The following EZR variants were observed in gnomAD, a reference collection of about 807,000 sequenced individuals.
EZR encodes ezrin.
In EZR, 40 loss-of-function variants were observed where a neutral mutation model predicts 74.8. That is an observed-to-expected ratio of 0.53 (90% CI 0.42 to 0.70). The LOEUF (loss-of-function observed/expected upper bound fraction) is 0.70, where lower values mean the gene tolerates loss of function less well. Among genes scored for constraint, EZR ranks in the 30% least tolerant of loss-of-function variants. The pLI, the probability that EZR is intolerant of heterozygous loss-of-function variation, is 0.00. For missense variants in EZR, 678 were observed against 755.8 expected (o/e 0.90, Z 1.21); for synonymous variants, 341 against 283.3 (o/e 1.20, Z -2.05).
intron 7 of EZR, among the ~76,000 whole-genome samples, chr6:158,779,882 G>A (rs543101761): frequency 3.5e-4 from 53 of 150,756 alleles, no homozygotes; most frequent in African/African-American, 1.1e-3. Flanking sequence ...AGCCTGAAAT[G>A]ACTTTAAAAT....
At chr6:158,801,714 T>G (rs1241564005) in intron 2 of EZR, among the ~76,000 whole-genome samples, 2 of 152,242 alleles carry the variant, frequency 1.3e-5, no homozygotes, top group Non-Finnish European at 2.9e-5. Flanking sequence ...GTCACAACCC[T>G]GATAACCACT....
chr6:158,767,484 T>C lies in EZR; in HGVS notation c.1373A>G (p.Lys458Arg), dbSNP rs1234809361. Residue 458 changes from lysine to arginine, a missense_variant, in exon 13 of 14, where the codon AAG (lysine) becomes AGG (arginine). Lys to Arg is a conservative substitution (Grantham distance 26). Transcript: ENST00000367075. Reference sequence around the variant, plus strand: ...CACCAGGTGCAGCTCCTCCTTGGTCTTCACCAGGTCATCCTGGGCTTCTTT... The same window carrying C: ...CACCAGGTGCAGCTCCTCCTTGGTCCTCACCAGGTCATCCTGGGCTTCTTT... ...RAKEAQDDLV[K>R]TKEELHLVMT... The C allele has an allele frequency of 6.2e-7, 1 of 1,601,560 alleles. No individual in the cohort carries two copies. The highest frequency in any genetic ancestry group is 1.1e-5 in the South Asian group (1 of 89,880).
intron 2 of EZR, among the ~76,000 whole-genome samples, chr6:158,798,212 G>A (rs1445276301): frequency 6.7e-6 from 1 of 150,364 alleles, no homozygotes; most frequent in Non-Finnish European, 1.5e-5. Flanking sequence ...TGTCACTTCT[G>A]TCTACCCATT....
chr6:158,817,651 T>G (rs1248263833), intron 2 of EZR, among the ~76,000 whole-genome samples: 2 of 152,178 alleles, frequency 1.3e-5, no homozygotes, highest in Non-Finnish European at 2.9e-5. Flanking sequence ...ATCTCCCCAG[T>G]TGGATCTGGG....
chr6:158,810,410 G>A (rs148985865), intron 2 of EZR, among the ~76,000 whole-genome samples: 1 of 152,178 alleles, frequency 6.6e-6, no homozygotes, highest in Non-Finnish European at 1.5e-5. Flanking sequence ...CTTCTCTTCT[G>A]TGAAGACCTC....
intron 7 of EZR, among the ~76,000 whole-genome samples, chr6:158,780,404 G>A (rs1791404812): frequency 6.6e-6 from 1 of 152,122 alleles, no homozygotes; most frequent in Non-Finnish European, 1.5e-5. Context: ...TTCATTTTGA[G>A]GAAGGATATG....
chr6:158,768,604 C>T (rs1790993727), intron 12 of EZR, among the ~76,000 whole-genome samples: 1 of 152,184 alleles, frequency 6.6e-6, no homozygotes, highest in Admixed American at 6.5e-5. Context: ...CAGTGGGAAC[C>T]ATCCCCAGAG....
At chr6:158,818,938 C>T (rs568404582) in intron 1 of EZR, among the ~76,000 whole-genome samples, 30 of 152,212 alleles carry the variant, frequency 2.0e-4, no homozygotes, top group African/African-American at 6.0e-4. Context: ...CCAGGAAGCC[C>T]GTGAGAAGCC....
At position 158,769,389 on chromosome 6, in the gene EZR, CTT is replaced by C; in HGVS notation, c.1279_1280del (p.Lys427AspfsTer14). On this transcript the variant is annotated frameshift_variant, in exon 12 of 14. Coordinates refer to ENST00000367075, the MANE Select transcript of EZR (RefSeq NM_001111077.2). LOFTEE classifies it high-confidence loss of function. ...LAAELAEYTAKIALLEEARRR... is the reference protein window; with the variant it reads ...LAAELAEYTAXIALLEEARRR... ...TCCGCGCCTCTTCCAGGAGGGCAATCTTGGCAGTGTATTCTGCAAGCTCCGCA... is the reference window on the plus strand; with the variant it reads ...TCCGCGCCTCTTCCAGGAGGGCAATCGGCAGTGTATTCTGCAAGCTCCGCA... The C allele has an allele frequency of 1.9e-6, 3 of 1,608,532 alleles. No individual in the cohort carries two copies. The highest frequency in any genetic ancestry group is 2.5e-6 in the Non-Finnish European group (3 of 1,180,010).
chr6:158,802,073 C>A (rs1481183631), intron 2 of EZR, among the ~76,000 whole-genome samples: 5 of 152,246 alleles, frequency 3.3e-5, no homozygotes, highest in Non-Finnish European at 5.9e-5. Context: ...ACGTAACCCA[C>A]CACAACGTAG....
At chr6:158,809,707 G>C (rs897730190) in intron 2 of EZR, among the ~76,000 whole-genome samples, 6 of 152,114 alleles carry the variant, frequency 3.9e-5, no homozygotes, top group Non-Finnish European at 7.3e-5. Flanking sequence ...ATATATACAA[G>C]GTTAGAATAA....
At chr6:158,802,288 T>C (rs1339967963) in intron 2 of EZR, among the ~76,000 whole-genome samples, 1 of 152,236 alleles carries the variant, frequency 6.6e-6, no homozygotes, top group African/African-American at 2.4e-5. Context: ...GTCCTTATTT[T>C]AGGAAATGGG....
intron 2 of EZR, among the ~76,000 whole-genome samples, chr6:158,794,877 C>T (rs1777035756): frequency 6.6e-6 from 1 of 152,138 alleles, no homozygotes; most frequent in African/African-American, 2.4e-5. Flanking sequence ...ACAAAAAGAA[C>T]CATGTGGTTG....
In EZR at chr6:158,771,351, G is replaced by A. The variant is rs551988276; in HGVS notation, c.852C>T (p.Cys284=). Residue 284 remains cysteine (C), a synonymous_variant, in exon 9 of 14, where the codon TGC becomes TGT. Coordinates refer to ENST00000367075, the MANE Select transcript of EZR (RefSeq NM_001111077.2). ...GCATATACAACTCATGGTTGCCCATGCAGAGCTGCAGGATCCGCTTGTTGA... is the reference window on the plus strand; with the variant it reads ...GCATATACAACTCATGGTTGCCCATACAGAGCTGCAGGATCCGCTTGTTGA... ...LRINKRILQL[C]MGNHELYMRR... is the part of the protein sequence containing the mutation. 1.2e-6 allele frequency: 2 copies of A among 1,614,066 alleles called. No homozygotes were observed. The highest frequency in any genetic ancestry group is 2.2e-5 in the East Asian group (1 of 44,874).
In EZR at chr6:158,766,694, A is replaced by G. The variant is rs1790871853; in HGVS notation, c.*220T>C. 1.7e-6 allele frequency: 1 copy of G among 578,750 alleles called. No individual in the cohort carries two copies. Among genetic ancestry groups the G allele is most frequent in the East Asian group, 2.9e-5 (1 of 34,824 alleles). The allele number at this position is 578,750 out of a possible 1,614,324, so 35.9% of individuals were successfully genotyped here. On this transcript the variant is annotated 3_prime_UTR_variant, in exon 14 of 14. Coordinates refer to ENST00000367075, the MANE Select transcript of EZR (RefSeq NM_001111077.2). ...ACAACACAGGAGGTGATTCGAGAATAATCGCGAGAATCAGGCCTGCTTGGC... is the reference window on the plus strand; with the variant it reads ...ACAACACAGGAGGTGATTCGAGAATGATCGCGAGAATCAGGCCTGCTTGGC...
At chr6:158,807,663 G>C (rs921628681) in intron 2 of EZR, among the ~76,000 whole-genome samples, 1 of 152,128 alleles carries the variant, frequency 6.6e-6, no homozygotes, top group African/African-American at 2.4e-5. Context: ...AAGAATGAAA[G>C]TTAATTCTAG....
intron 2 of EZR, among the ~76,000 whole-genome samples, chr6:158,799,634 T>C (rs1296322419): frequency 6.6e-6 from 1 of 152,256 alleles, no homozygotes; most frequent in African/African-American, 2.4e-5. Context: ...GCACTAGCTA[T>C]GACAGACATT....
At chr6:158,790,999 G>A (rs1254637985) in intron 2 of EZR, among the ~76,000 whole-genome samples, 1 of 152,180 alleles carries the variant, frequency 6.6e-6, no homozygotes, top group African/African-American at 2.4e-5. Context: ...TGGCGACAGA[G>A]GTTTCGTTAT....
intron 13 of EZR, 21 bp from the exon 14 acceptor site, chr6:158,767,099 G>C (rs201285145): frequency 8.1e-6 from 13 of 1,613,404 alleles, no homozygotes; most frequent in African/African-American, 1.3e-5. Flanking sequence ...AAGCAGCATT[G>C]GTCTAGTCCC....
Sources: allele counts gnomAD v4.1 joint callset (sites outside exome capture counted in the v4.1 genomes callset), GRCh38; gene constraint gnomAD v4.1.1; transcripts MANE v1.5; gene names NCBI Gene and HGNC (gene_info 2026-07-23, HGNC 2026-07-21).